ITPR1: variants seen among roughly 807,000 people sequenced by gnomAD.
ITPR1 encodes inositol 1,4,5-trisphosphate-gated calcium channel ITPR1.
In ITPR1, 96 loss-of-function variants were observed where a neutral mutation model predicts 318.4. The ratio of observed to expected loss-of-function variants is 0.30; its 90% CI spans 0.26 to 0.36. ITPR1 has a LOEUF of 0.36. ITPR1 is among the 10% of genes least tolerant of loss of function. The pLI, the probability that ITPR1 is intolerant of heterozygous loss-of-function variation, is 1.00. For synonymous variants in ITPR1, 1,312 were observed against 1,289.9 expected (o/e 1.02, Z -0.37); for missense variants, 2,440 against 3,460.2 (o/e 0.71, Z 7.40).
intron 47 of ITPR1, among the ~76,000 whole-genome samples, chr3:4,775,944 T>G (rs1180050207): frequency 6.6e-6 from 1 of 152,266 alleles, no homozygotes; most frequent in African/African-American, 2.4e-5. Flanking sequence ...GAGATAGTCT[T>G]GACTTTGGTC....
At chr3:4,632,925 A>G (rs1284013513) in intron 5 of ITPR1, among the ~76,000 whole-genome samples, 2 of 137,444 alleles carry the variant, frequency 1.5e-5, no homozygotes, top group Non-Finnish European at 3.1e-5. Flanking sequence ...TGTGACTTTC[A>G]GGTCTTTTTT....
chr3:4,620,268 T>C (rs2092575812), intron 4 of ITPR1, among the ~76,000 whole-genome samples: 1 of 152,342 alleles, frequency 6.6e-6, no homozygotes, highest in African/African-American at 2.4e-5. Flanking sequence ...CATGCCTTCG[T>C]TGTACATGGT....
rs115451608 is a variant in ITPR1, at chr3:4,760,079, C to T, written c.5545-6451C>T. 5.6e-3 allele frequency among the ~76,000 whole-genome samples: 850 copies of T among 152,380 alleles called. 9 individuals are homozygous for T. The highest frequency in any genetic ancestry group is 0.02 in the African/African-American group (818 of 41,592). ...TTTGACTCCGGCCTCACTGCTGGGGCTGGTTGTCTGTGTCGGTTCAACGTG... is the reference window on the plus strand; with the variant it reads ...TTTGACTCCGGCCTCACTGCTGGGGTTGGTTGTCTGTGTCGGTTCAACGTG... On this transcript the variant is annotated intron_variant, in intron 44 of 61. Transcript: ENST00000649015.
chr3:4,817,023 T>C (rs2049348445), intron 59 of ITPR1, among the ~76,000 whole-genome samples: 1 of 152,262 alleles, frequency 6.6e-6, no homozygotes. Flanking sequence ...TTCAATGGGC[T>C]ATTTATTTTG....
At chr3:4,535,464 A>G (rs1233049320) in intron 4 of ITPR1, among the ~76,000 whole-genome samples, 2 of 77,596 alleles carry the variant, frequency 2.6e-5, no homozygotes, top group African/African-American at 7.8e-5. Context: ...TTTTTTTGAG[A>G]CGGAGTCTTG....
chr3:4,761,215 G>T (rs2045420072), intron 44 of ITPR1, among the ~76,000 whole-genome samples: 1 of 152,086 alleles, frequency 6.6e-6, no homozygotes, highest in Admixed American at 6.5e-5. Context: ...TGAGGTTTGG[G>T]GGGGTTCACC....
At chr3:4,512,746 A>C (rs571522575) in intron 2 of ITPR1, among the ~76,000 whole-genome samples, 32 of 152,232 alleles carry the variant, frequency 2.1e-4, no homozygotes, top group African/African-American at 7.2e-4. Flanking sequence ...GCATTATTTC[A>C]CCCATTGCTC....
chr3:4,693,253 C>G (rs2094507160), intron 32 of ITPR1, among the ~76,000 whole-genome samples: 1 of 152,242 alleles, frequency 6.6e-6, no homozygotes, highest in Non-Finnish European at 1.5e-5. Flanking sequence ...TGCAGGCTTT[C>G]TCTTCCCCTA....
intron 4 of ITPR1, among the ~76,000 whole-genome samples, chr3:4,617,597 A>G (rs2092435137): frequency 6.6e-6 from 1 of 152,186 alleles, no homozygotes; most frequent in South Asian, 2.1e-4. Context: ...GGAGACAAAC[A>G]TTCAAATCAT....
chr3:4,841,377 T>A (rs2051331242), intron 61 of ITPR1, among the ~76,000 whole-genome samples: 1 of 152,152 alleles, frequency 6.6e-6, no homozygotes, highest in African/African-American at 2.4e-5. Context: ...GTAGGGGGCT[T>A]CCCAGGAAAG....
At chr3:4,735,928 T>G (rs1174712229) in intron 44 of ITPR1, among the ~76,000 whole-genome samples, 2 of 152,214 alleles carry the variant, frequency 1.3e-5, no homozygotes, top group Non-Finnish European at 2.9e-5. Flanking sequence ...TGATATATAT[T>G]TAAAACTAAT....
chr3:4,669,839 A>G (rs1039869949), intron 19 of ITPR1, 66 bp downstream of exon 19: 1 of 1,442,800 alleles, frequency 6.9e-7, no homozygotes, highest in Non-Finnish European at 9.2e-7. Flanking sequence ...CTCATGAGGA[A>G]TAAAACCTAG....
intron 4 of ITPR1, among the ~76,000 whole-genome samples, chr3:4,593,928 C>T (rs542983647): frequency 6.6e-6 from 1 of 152,124 alleles, no homozygotes; most frequent in African/African-American, 2.4e-5. Context: ...AGGAGATGAT[C>T]AACAGTGTTT....
chr3:4,578,274 C>CT (rs1193902716), intron 4 of ITPR1, among the ~76,000 whole-genome samples: 1 of 152,026 alleles, frequency 6.6e-6, no homozygotes, highest in African/African-American at 2.4e-5. Flanking sequence ...TTTTCTGCCA[C>CT]TTTTTTTATT....
At chr3:4,713,364 C>T (rs372854599) in intron 39 of ITPR1, among the ~76,000 whole-genome samples, 2 of 152,164 alleles carry the variant, frequency 1.3e-5, no homozygotes, top group African/African-American at 2.4e-5. Flanking sequence ...TTTCCATAAC[C>T]GAGGTATTTA....
intron 4 of ITPR1, among the ~76,000 whole-genome samples, chr3:4,553,878 G>A (rs1559436626): frequency 6.6e-6 from 1 of 151,812 alleles, no homozygotes; most frequent in Non-Finnish European, 1.5e-5. Context: ...TGGGGTTACG[G>A]GCGTGAGCCA....
At chr3:4,754,053 G>GA (rs1010206324) in intron 44 of ITPR1, among the ~76,000 whole-genome samples, 2 of 146,562 alleles carry the variant, frequency 1.4e-5, no homozygotes, top group Admixed American at 6.8e-5. Flanking sequence ...GAAAATGGGG[G>GA]GGGGGTGGCA....
chr3:4,706,031 T>C, intron 36 of ITPR1, 136 bp from the exon 37 acceptor site: 1 of 792,588 alleles, frequency 1.3e-6, no homozygotes, highest in Non-Finnish European at 2.0e-6. Flanking sequence ...CTTCTCAGTC[T>C]TTAAGCTCAA....
Position 4,811,432 on chromosome 3 carries a change from T to C in ITPR1, c.7440T>C (p.Asp2480=). 1.2e-6 allele frequency: 2 copies of C among 1,613,974 alleles called. No individual in the cohort carries two copies. Among genetic ancestry groups the C allele is most frequent in the Non-Finnish European group, 8.5e-7 (1 of 1,179,848 alleles). ...AGGATGACTTTATCTTGGAAGTAGA[T>C]AGGCTGCCCAATGAAACAGCTGTTC... ...FFKDDFILEV[D]RLPNETAVPE... is the part of the protein sequence containing the mutation. The change falls in exon 56 of 62, where the codon GAT becomes GAC. Residue 2480 remains aspartate, a synonymous_variant. Coordinates refer to ENST00000649015, the MANE Select transcript of ITPR1 (RefSeq NM_001378452.1).
Sources: gnomAD v4.1 joint callset for allele counts (sites outside exome capture counted in the v4.1 genomes callset) on GRCh38, gnomAD v4.1.1 for gene constraint, MANE v1.5 for transcripts, NCBI Gene and HGNC (gene_info 2026-07-23, HGNC 2026-07-21) for gene names.